The following IFT52 variants were observed in gnomAD, a reference collection of about 807,000 sequenced individuals.
IFT52 encodes the protein intraflagellar transport protein 52 homolog.
Under a neutral mutation model 54.4 loss-of-function variants are expected in IFT52, and 44 were observed. That is an observed-to-expected ratio of 0.81 (90% CI 0.63 to 1.04). The LOEUF is 1.04. IFT52 is among the 50% of genes least tolerant of loss of function. IFT52 has a pLI of 0.00. For synonymous variants in IFT52, 181 were observed against 185.3 expected (o/e 0.98, Z 0.19); for missense variants, 452 against 523.6 (o/e 0.86, Z 1.33).
intron 1 of IFT52, among the ~76,000 whole-genome samples, chr20:43,592,135 A>C (rs981333312): frequency 6.6e-5 from 10 of 152,122 alleles, no homozygotes; most frequent in African/African-American, 2.2e-4. Flanking sequence ...CGGGTGGATC[A>C]CTTGAGGTCA....
rs1376535526 is a variant in IFT52, at chr20:43,603,839, A to G, written c.287A>G (p.Asp96Gly). The change falls in exon 4 of 14, where the codon GAC becomes GGC. Residue 96 changes from aspartate to glycine, a missense_variant. Transcript: ENST00000373030. ...MLGEGGESRF[D>G]TNINFLLEEY... ...GGAGAAGGTGGAGAATCCAGATTTG[A>G]CACCAATATTAACTTTTTACTAGAA... 3.8e-6 allele frequency: 6 copies of G among 1,561,218 alleles called. No homozygotes were observed. The highest frequency in any genetic ancestry group is 5.3e-6 in the Non-Finnish European group (6 of 1,134,892).
chr20:43,632,627 C>T (rs1309409195), intron 10 of IFT52, among the ~76,000 whole-genome samples: 1 of 152,152 alleles, frequency 6.6e-6, no homozygotes, highest in Non-Finnish European at 1.5e-5. Context: ...ATGTAAGTTC[C>T]GTGATGGCCT....
At chr20:43,593,357 T>G (rs1981682743) in intron 1 of IFT52, among the ~76,000 whole-genome samples, 1 of 152,182 alleles carries the variant, frequency 6.6e-6, no homozygotes, top group African/African-American at 2.4e-5. Flanking sequence ...TAAATGAGTA[T>G]AACTTTTTGG....
At chr20:43,625,521 G>T (rs747153352) in intron 10 of IFT52, among the ~76,000 whole-genome samples, 1 of 151,898 alleles carries the variant, frequency 6.6e-6, no homozygotes, top group South Asian at 2.1e-4. Context: ...AAAAAATAGG[G>T]TGATCAGGAT....
At chr20:43,612,215 T>C (rs1439850924) in intron 6 of IFT52, among the ~76,000 whole-genome samples, 1 of 152,144 alleles carries the variant, frequency 6.6e-6, no homozygotes, top group Non-Finnish European at 1.5e-5. Context: ...CATGGACAAC[T>C]GCTTGTTTTC....
intron 6 of IFT52, among the ~76,000 whole-genome samples, chr20:43,609,756 C>G (rs981807534): frequency 8.5e-6 from 1 of 117,076 alleles, no homozygotes; most frequent in African/African-American, 3.4e-5. Flanking sequence ...GCCTGGGCAA[C>G]AGGAGCGAAA....
intron 7 of IFT52, among the ~76,000 whole-genome samples, chr20:43,615,980 C>A (rs889234058): frequency 9.9e-5 from 15 of 152,024 alleles, no homozygotes; most frequent in African/African-American, 3.4e-4. Context: ...CGGTGGCAGG[C>A]TTTGCAGCAT....
chr20:43,607,575 G>A (rs960856617), intron 6 of IFT52, among the ~76,000 whole-genome samples: 18 of 148,078 alleles, frequency 1.2e-4, no homozygotes, highest in Non-Finnish European at 1.8e-4. Context: ...GACGATGGGC[G>A]GCCGGGCAGA....
intron 2 of IFT52, among the ~76,000 whole-genome samples, chr20:43,595,068 C>A: frequency 6.6e-6 from 1 of 151,730 alleles, no homozygotes; most frequent in Non-Finnish European, 1.5e-5. Context: ...GTAATCCCAG[C>A]ACTTTGGGAG....
chr20:43,614,560 A>G (rs1330721478), intron 7 of IFT52, among the ~76,000 whole-genome samples: 1 of 151,080 alleles, frequency 6.6e-6, no homozygotes, highest in African/African-American at 2.4e-5. Context: ...CCATGGCAGC[A>G]TATTGATGAA....
In IFT52 at chr20:43,618,956, T is replaced by A; in HGVS notation, c.629T>A (p.Leu210Gln). ...CATCAATAGAACCAAGGTGGGAAGCTGGCAGTGCTTGGTTCATGTCACATG... is the reference window on the plus strand; with the variant it reads ...CATCAATAGAACCAAGGTGGGAAGCAGGCAGTGCTTGGTTCATGTCACATG... ...FYHSKNQGGK[L>Q]AVLGSCHMFS... The change falls in exon 8 of 14, where the codon CTG becomes CAG. Residue 210 changes from leucine to glutamine, a missense_variant. Coordinates refer to ENST00000373030, the MANE Select transcript of IFT52 (RefSeq NM_016004.5). The A allele has an allele frequency of 6.2e-7, 1 of 1,613,818 alleles. No individual in the cohort carries two copies. The highest frequency in any genetic ancestry group is 1.6e-4 in the Middle Eastern group (1 of 6,062).
chr20:43,614,327 C>T lies in IFT52; in HGVS notation c.612+351C>T, dbSNP rs547760014. 1.3e-4 allele frequency among the ~76,000 whole-genome samples: 20 copies of T among 151,710 alleles called. No homozygotes were observed. In the South Asian group the frequency reaches 2.5e-3, roughly 19 times the overall value. On this transcript the variant is annotated intron_variant, in intron 7 of 13. Transcript: ENST00000373030. ...TCGGCTCACTGCAAGCTCCACCTCC[C>T]GGGTTCACGCCATTCTCCTGCCTCA...
chr20:43,626,898 T>G (rs1444509319), intron 10 of IFT52, among the ~76,000 whole-genome samples: 1 of 151,996 alleles, frequency 6.6e-6, no homozygotes, highest in Non-Finnish European at 1.5e-5. Context: ...GCACGGTGAC[T>G]CAACGCCTGT....
rs1404085458 is a variant in IFT52 at position 43,645,787 on chromosome 20, C to A, written c.1267-1149C>A. ...GCTGAGGTGGGAGGATCATCTGAGC[C>A]TGGGGAGGTTGAGGTTGCAGTGAGC... On this transcript the variant is annotated intron_variant, in intron 13 of 13. Coordinates refer to ENST00000373030, the MANE Select transcript of IFT52 (RefSeq NM_016004.5). 7.9e-5 allele frequency among the ~76,000 whole-genome samples: 4 copies of A among 50,514 alleles called. 2 individuals carry two copies. Among genetic ancestry groups the A allele is most frequent in the African/African-American group, 2.3e-4 (4 of 17,308 alleles). 33.1% of individuals were successfully genotyped at this position (50,514 alleles called of 152,430 possible). A position where few individuals can be genotyped will look rare whatever the true frequency, so the allele number is the denominator to read the frequency against.
Position 43,635,893 on chromosome 20 carries a change from G to T in IFT52, c.924-33G>T, listed in dbSNP as rs771571547. ...TAGACGTGCTGAGCTATAGTGTCTT[G>T]ATCCCTGCTTTTTTGTTTGATTATG... On this transcript the variant is annotated intron_variant, in intron 10 of 13. Transcript: ENST00000373030. The T allele has an allele frequency of 1.6e-5, 25 of 1,598,254 alleles. 2 individuals are homozygous for T. The South Asian group carries it at 2.8e-4, about 18-fold the overall frequency.
At chr20:43,607,395 G>A (rs1159226731) in intron 6 of IFT52, among the ~76,000 whole-genome samples, 4 of 144,844 alleles carry the variant, frequency 2.8e-5, no homozygotes, top group African/African-American at 1.0e-4. Flanking sequence ...CGGGCGGAGG[G>A]GCTCCTCACT....
chr20:43,630,854 T>C (rs150192622), intron 10 of IFT52, among the ~76,000 whole-genome samples: 126 of 152,330 alleles, frequency 8.3e-4, no homozygotes, highest in African/African-American at 2.6e-3. Context: ...TCAAGCCATG[T>C]TGGCTAATGG....
intron 8 of IFT52, among the ~76,000 whole-genome samples, chr20:43,620,488 T>G (rs942903134): frequency 6.6e-6 from 1 of 151,970 alleles, no homozygotes; most frequent in African/African-American, 2.4e-5. Flanking sequence ...TGAAACCCCA[T>G]CTACTAAAAA....
At chr20:43,602,311 T>A (rs1982529452) in intron 3 of IFT52, among the ~76,000 whole-genome samples, 1 of 151,642 alleles carries the variant, frequency 6.6e-6, no homozygotes, top group African/African-American at 2.4e-5. Flanking sequence ...ATTACAGGCA[T>A]CTGCCCCCAC....
Sources: allele counts gnomAD v4.1 joint callset (sites outside exome capture counted in the v4.1 genomes callset), GRCh38; gene constraint gnomAD v4.1.1; transcripts MANE v1.5; gene names NCBI Gene and HGNC (gene_info 2026-07-23, HGNC 2026-07-21).